Variants in NF1 observed in about 807,000 individuals in gnomAD.
The protein encoded by NF1 is neurofibromin 1.
Under a neutral mutation model 325.7 loss-of-function variants are expected in NF1, and 122 were observed. The ratio of observed to expected loss-of-function variants is 0.37; its 90% CI spans 0.32 to 0.44. The LOEUF (loss-of-function observed/expected upper bound fraction) is 0.44. NF1 is among the 20% of genes least tolerant of loss of function. The probability of loss-of-function intolerance (pLI) is 1.00; values close to 1 mark genes in which losing one functional copy is unlikely to be tolerated. For missense variants in NF1, 2,140 were observed against 3,415.4 expected, an observed-to-expected ratio of 0.63 and a Z score of 9.31; for synonymous variants, 1,091 against 1,186.0, an observed-to-expected ratio of 0.92 and a Z score of 1.65.
intron 12 of NF1, among the ~76,000 whole-genome samples, chr17:31,212,746 A>G (rs1309061402): frequency 6.6e-6 from 1 of 152,116 alleles, no homozygotes; most frequent in Non-Finnish European, 1.5e-5. Flanking sequence ...TAAACCAGTA[A>G]CAGTTATTTA....
rs1555607095 is a variant in NF1 at position 31,169,948 on chromosome 17, G to A, written c.537G>A (p.Leu179=). The change falls in exon 5 of 58, where the codon TTG becomes TTA. Residue 179 remains leucine (L), a synonymous_variant. Coordinates refer to ENST00000358273, the MANE Select transcript of NF1 (RefSeq NM_001042492.3). ...ATGTTGATGTTCATGATATAGAATT[G>A]TTACAGTATATCAATGTGGATTGTG... ...EDNVDVHDIE[L]LQYINVDCAK... is the part of the protein sequence containing the mutation. The A allele has an allele frequency of 6.5e-7, 1 of 1,546,412 alleles. No individual in the cohort carries two copies. Among genetic ancestry groups the A allele is most frequent in the Non-Finnish European group, 8.8e-7 (1 of 1,135,512 alleles).
At chr17:31,136,086 T>C (rs1915749546) in intron 1 of NF1, among the ~76,000 whole-genome samples, 1 of 151,944 alleles carries the variant, frequency 6.6e-6, no homozygotes, top group South Asian at 2.1e-4. Context: ...TCCGAACACT[T>C]TGGGAGGCCG....
intron 49 of NF1, among the ~76,000 whole-genome samples, 199 bp downstream of exon 49, chr17:31,349,450 A>T (rs1252160852): frequency 1.3e-5 from 2 of 152,208 alleles, no homozygotes; most frequent in Non-Finnish European, 2.9e-5. Context: ...TCCCATTAAA[A>T]TCTGAAATGT....
chr17:31,177,456 CT>C, intron 5 of NF1, among the ~76,000 whole-genome samples: 1 of 152,016 alleles, frequency 6.6e-6, no homozygotes, highest in South Asian at 2.1e-4. Context: ...GAGCACGCCT[CT>C]TCTCCTCCAA....
intron 1 of NF1, among the ~76,000 whole-genome samples, chr17:31,126,505 G>A (rs17884014): frequency 2.2e-3 from 331 of 152,196 alleles, no homozygotes; most frequent in Non-Finnish European, 4.0e-3. Flanking sequence ...AAGTGCAATG[G>A]TGCAATCTTG....
intron 57 of NF1, 22 bp downstream of exon 57, chr17:31,360,725 A>G (rs2151588391): frequency 3.8e-6 from 6 of 1,584,412 alleles, no homozygotes; most frequent in East Asian, 2.2e-5. Context: ...TGATCTTTAT[A>G]TGACTTTGAG....
At position 31,358,631 on chromosome 17, in the gene NF1, A is replaced by G; in HGVS notation, c.8113+9A>G. ...AACATCTTACCTGCAAAGTAAATAA[A>G]TGTATCTGGAGAAGGATGGTTGATG... is the stretch of plus-strand genomic sequence containing the variant. On this transcript the variant is annotated intron_variant, in intron 55 of 57. Transcript: ENST00000358273. 6.2e-7 allele frequency: 1 copy of G among 1,614,014 alleles called. No homozygotes were observed. The highest frequency in any genetic ancestry group is 8.5e-7 in the Non-Finnish European group (1 of 1,179,914).
intron 37 of NF1, among the ~76,000 whole-genome samples, 169 bp downstream of exon 37, chr17:31,326,421 G>A (rs962955728): frequency 2.0e-4 from 31 of 152,166 alleles, no homozygotes; most frequent in African/African-American, 7.2e-4. Context: ...GTCAAGGTGG[G>A]CAGATCACGT....
At position 31,125,435 on chromosome 17, in the gene NF1, AT is replaced by A. The variant is rs549038496; in HGVS notation, c.60+30069del. On this transcript the variant is annotated intron_variant, in intron 1 of 57. Coordinates refer to ENST00000358273, the MANE Select transcript of NF1 (RefSeq NM_001042492.3). The stretch of plus-strand genomic sequence containing the variant: ...TCATGTCTTTTGTGCACATGCAGGA[AT>A]TTGAAGTATATGTCTGGGAGCAGAA... Among the ~76,000 whole-genome samples, 12 of 152,204 alleles carry A rather than the reference AT, an allele frequency of 7.9e-5. 1 individual carries two copies. Among genetic ancestry groups the A allele is most frequent in the African/African-American group, 2.9e-4 (12 of 41,550 alleles).
At chr17:31,120,109 C>T (rs1389834265) in intron 1 of NF1, among the ~76,000 whole-genome samples, 1 of 151,982 alleles carries the variant, frequency 6.6e-6, no homozygotes, top group Non-Finnish European at 1.5e-5. Context: ...TTTTGGTTCC[C>T]TATGAAATTT....
At chr17:31,321,711 G>T (rs1421627151) in intron 36 of NF1, 1 of 109,724 alleles carries the variant, frequency 9.1e-6, no homozygotes, top group Non-Finnish European at 2.4e-5. Flanking sequence ...GTCACAGGAG[G>T]GAAAAAAAAA....
chr17:31,181,843 TAA>T (rs1232236320), intron 7 of NF1, 58 bp downstream of exon 7: 1 of 1,166,250 alleles, frequency 8.6e-7, no homozygotes, highest in Non-Finnish European at 1.3e-6. Context: ...ACTTGTGACA[TAA>T]AAACCTATCA....
intron 3 of NF1, among the ~76,000 whole-genome samples, chr17:31,160,413 AT>A (rs1175946243): frequency 6.6e-6 from 1 of 152,190 alleles, no homozygotes; most frequent in African/African-American, 2.4e-5. Context: ...AAATTTTCTT[AT>A]TGACCGTTGA....
Position 31,223,492 on chromosome 17 carries a change from G to C in NF1, c.1770G>C (p.Met590Ile), listed in dbSNP as rs2144016315. The C allele has an allele frequency of 6.2e-7, 1 of 1,613,050 alleles. No individual in the cohort carries two copies. Residue 590 changes from methionine (M) to isoleucine (I), a missense_variant, in exon 16 of 58, where the codon ATG becomes ATC. By Grantham distance (10) the Met-to-Ile change is conservative. This residue lies in a region of NF1 where 179 missense variants were observed against 381.0 expected (regional missense o/e 0.47). Coordinates refer to ENST00000358273, the MANE Select transcript of NF1 (RefSeq NM_001042492.3). ...YICKKLTSHQ[M>I]LSSTEILKWL... ...GCAAGAAATTAACTAGTCATCAAAT[G>C]CTTAGTAGCACAGAAATTCTCAAGT... is the stretch of plus-strand genomic sequence containing the variant.
intron 36 of NF1, among the ~76,000 whole-genome samples, chr17:31,280,441 C>T (rs955653799): frequency 7.6e-5 from 11 of 145,488 alleles, no homozygotes; most frequent in African/African-American, 2.6e-4. Context: ...CGCTTGAACC[C>T]GGGAGGCAGA....
At position 31,130,705 on chromosome 17, in the gene NF1, G is replaced by T. The variant is rs188325497; in HGVS notation, c.61-25278G>T. On this transcript the variant is annotated intron_variant, in intron 1 of 57. Transcript: ENST00000358273. Reference sequence around the variant, plus strand: ...GCTCCCTTGACAATGGCCATGGAGGGATAGGCAGGGTGTACTCACGCTGGC... The same window carrying T: ...GCTCCCTTGACAATGGCCATGGAGGTATAGGCAGGGTGTACTCACGCTGGC... 1.2e-3 allele frequency among the ~76,000 whole-genome samples: 183 copies of T among 152,322 alleles called. 1 individual carries two copies. In the Middle Eastern group the frequency reaches 0.02, roughly 17 times the overall value.
chr17:31,246,090 T>C (rs546297540), intron 29 of NF1, among the ~76,000 whole-genome samples: 1 of 152,344 alleles, frequency 6.6e-6, no homozygotes, highest in South Asian at 2.1e-4. Context: ...ACCCTTGAAT[T>C]ATTGTATTGA....
In NF1 at chr17:31,229,495, TC is replaced by T. The variant is rs773884799; in HGVS notation, c.2850+31del. The T allele has an allele frequency of 5.8e-5, 93 of 1,593,604 alleles. 2 individuals are homozygous for T. The South Asian group carries it at 9.8e-4, about 17-fold the overall frequency. On this transcript the variant is annotated intron_variant, in intron 21 of 57. Transcript: ENST00000358273. ...AGTGTTCTCTTATTTTTCACCTTTC[TC>T]TATGAATAGAGTGACTTGTTTGAAA...
chr17:31,228,360 G>A (rs931774095), intron 20 of NF1, among the ~76,000 whole-genome samples: 7 of 152,066 alleles, frequency 4.6e-5, no homozygotes, highest in African/African-American at 7.2e-5. Context: ...ATATTTTTAC[G>A]AAGCAAATGT....
Sources: gnomAD v4.1 joint callset for allele counts (sites outside exome capture counted in the v4.1 genomes callset) on GRCh38, gnomAD v4.1.1 for gene constraint, gnomAD v4.1.1 regional missense constraint, MANE v1.5 for transcripts, NCBI Gene and HGNC (gene_info 2026-07-23, HGNC 2026-07-21) for gene names.